Variants in MMEL1 observed in about 807,000 individuals in gnomAD.
MMEL1 encodes the protein membrane metalloendopeptidase like 1.
In MMEL1, 98 loss-of-function variants were observed where a neutral mutation model predicts 117.1. The ratio of observed to expected loss-of-function variants is 0.84; its 90% CI spans 0.71 to 0.99. The LOEUF is 0.99. Among genes scored for constraint, MMEL1 ranks in the 50% least tolerant of loss-of-function variants. The probability of loss-of-function intolerance (pLI) is 0.00; values close to 1 mark genes in which losing one functional copy is unlikely to be tolerated. For missense variants in MMEL1, 1,014 were observed against 1,049.1 expected, an observed-to-expected ratio of 0.97 and a Z score of 0.46; for synonymous variants, 390 against 415.1, an observed-to-expected ratio of 0.94 and a Z score of 0.74.
chr1:2,610,645 C>T (rs1645110400), intron 4 of MMEL1, among the ~76,000 whole-genome samples: 1 of 152,186 alleles, frequency 6.6e-6, no homozygotes, highest in African/African-American at 2.4e-5. Context: ...TGGCTTTGCC[C>T]CAGGAACCCC....
At position 2,629,503 on chromosome 1, in the gene MMEL1, G is replaced by T; in HGVS notation, c.-19C>A. ...TCCCCATCAGCAGGGCTCTGGACGG[G>T]AGAGCACCGCGGAGGAACCTGCAGG... On this transcript the variant is annotated 5_prime_UTR_variant, in exon 2 of 24. Coordinates refer to ENST00000378412, the MANE Select transcript of MMEL1 (RefSeq NM_033467.4). 6.8e-7 allele frequency: 1 copy of T among 1,462,520 alleles called. No individual in the cohort carries two copies. Among genetic ancestry groups the T allele is most frequent in the Non-Finnish European group, 9.1e-7 (1 of 1,104,444 alleles). The allele number at this position is 1,462,520 out of a possible 1,614,324, so 90.6% of individuals were successfully genotyped here.
At chr1:2,598,955 A>G (rs1417491363) in intron 11 of MMEL1, among the ~76,000 whole-genome samples, 165 bp from the exon 12 acceptor site, 1 of 152,240 alleles carries the variant, frequency 6.6e-6, no homozygotes, top group Non-Finnish European at 1.5e-5. Context: ...CAGAGCCTAC[A>G]GCTGTAAAAA....
In MMEL1 at chr1:2,623,875, A is replaced by G. The variant is rs547180145; in HGVS notation, c.154+5456T>C. Among the ~76,000 whole-genome samples, 6 of 152,316 alleles carry G rather than the reference A, an allele frequency of 3.9e-5. No individual in the cohort carries two copies. In the East Asian group the frequency reaches 1.2e-3, roughly 29 times the overall value. ...GGTGTAACCCCTCTCACGCCCAGGA[A>G]CCAGGCAAATCCCCTGTTCTGTAGG... On this transcript the variant is annotated intron_variant, in intron 2 of 23. Coordinates refer to ENST00000378412, the MANE Select transcript of MMEL1 (RefSeq NM_033467.4).
chr1:2,621,501 C>A (rs1196190979), intron 2 of MMEL1, among the ~76,000 whole-genome samples: 1 of 152,086 alleles, frequency 6.6e-6, no homozygotes, highest in Non-Finnish European at 1.5e-5. Flanking sequence ...ATCAGAAAAC[C>A]TTTGAATCTA....
chr1:2,595,399 G>GA lies in MMEL1; in HGVS notation c.1501-41_1501-40insT. On this transcript the variant is annotated intron_variant, in intron 15 of 23. Coordinates refer to ENST00000378412, the MANE Select transcript of MMEL1 (RefSeq NM_033467.4). The surrounding 1 kb of genome is among the most constrained non-coding windows in gnomAD (Gnocchi z 4.8). ...GGGACTGGTCAGTGGGTGCCCCACT[G>GA]CGGATGGAGTCAGCCCGGGGGCCGG... 1 of 1,583,436 alleles carries GA rather than the reference G, an allele frequency of 6.3e-7. No individual in the cohort carries two copies. Among genetic ancestry groups the GA allele is most frequent in the South Asian group, 1.1e-5 (1 of 90,456 alleles).
At chr1:2,619,652 T>A in intron 2 of MMEL1, among the ~76,000 whole-genome samples, 1 of 35,336 alleles carries the variant, frequency 2.8e-5, no homozygotes, top group Non-Finnish European at 4.9e-5. Context: ...AGTGAGACTC[T>A]ATCAAAAAAA....
At chr1:2,618,205 T>C (rs1055786158) in intron 2 of MMEL1, among the ~76,000 whole-genome samples, 7 of 152,294 alleles carry the variant, frequency 4.6e-5, no homozygotes, top group African/African-American at 1.7e-4. Flanking sequence ...TGATTCTTCA[T>C]GAATGGCTTG....
chr1:2,611,220 G>A, intron 4 of MMEL1, 61 bp downstream of exon 4: 2 of 1,492,962 alleles, frequency 1.3e-6, no homozygotes, highest in East Asian at 2.5e-5. Flanking sequence ...GCCTACGTCA[G>A]TGTCAGCCGG....
chr1:2,595,344 C>T lies in MMEL1; in HGVS notation c.1516G>A (p.Glu506Lys). 6.2e-7 allele frequency: 1 copy of T among 1,613,906 alleles called. No individual in the cohort carries two copies. Among genetic ancestry groups the T allele is most frequent in the Non-Finnish European group, 8.5e-7 (1 of 1,179,986 alleles). The change falls in exon 16 of 24, where the codon GAG becomes AAG. Residue 506 changes from glutamate to lysine, a missense_variant. Transcript: ENST00000378412. The surrounding 1 kb of genome is among the most constrained non-coding windows in gnomAD (Gnocchi z 4.8). ...ATGTAGTCAGGGTGCCCGATCTGCT[C>T]CCGGATGCTCATGGCCTGAGTGGGG... ...KAQEKAMSIR[E>K]QIGHPDYILE...
Position 2,607,197 on chromosome 1 carries a change from G to A in MMEL1, c.536-128C>T, listed in dbSNP as rs941854698. 141 of 732,432 alleles carry A rather than the reference G, an allele frequency of 1.9e-4. 1 individual carries two copies. The South Asian group carries it at 2.2e-3, about 11-fold the overall frequency. 45.4% of individuals were successfully genotyped at this position (732,432 alleles called of 1,614,324 possible). A position where few individuals can be genotyped will look rare whatever the true frequency, so the allele number is the denominator to read the frequency against. On this transcript the variant is annotated intron_variant, in intron 6 of 23. Coordinates refer to ENST00000378412, the MANE Select transcript of MMEL1 (RefSeq NM_033467.4). ...GCCCCTGCAGTGCTCCGCGAGAGGC[G>A]GCCTCCCAGCCTCTGGGCCTTTACA...
At chr1:2,611,377 G>T (rs747991756) in intron 3 of MMEL1, 37 bp from the exon 4 acceptor site, 37 of 1,469,878 alleles carry the variant, frequency 2.5e-5, no homozygotes, top group East Asian at 2.7e-5. Flanking sequence ...CGGGAGCCAC[G>T]GAGAGGGTGG....
chr1:2,595,241 TG>T lies in MMEL1; in HGVS notation c.1584+34del. 1 of 1,579,320 alleles carries T rather than the reference TG, an allele frequency of 6.3e-7. No homozygotes were observed. Among genetic ancestry groups the T allele is most frequent in the Non-Finnish European group, 8.7e-7 (1 of 1,150,388 alleles). On this transcript the variant is annotated intron_variant, in intron 16 of 23. Transcript: ENST00000378412. This position sits in a 1 kb window ranked among gnomAD's most constrained non-coding sequence, Gnocchi z 4.8. Reference sequence around the variant, plus strand: ...GCAATCAGGGCCCATGTCCACGGTGTGGGGGGCAGTTTAGGGCTGGGGTTGG... The same window carrying T: ...GCAATCAGGGCCCATGTCCACGGTGTGGGGGCAGTTTAGGGCTGGGGTTGG...
intron 19 of MMEL1, among the ~76,000 whole-genome samples, chr1:2,593,536 G>T (rs919614176): frequency 6.6e-6 from 1 of 152,234 alleles, no homozygotes; most frequent in African/African-American, 2.4e-5. Context: ...TCGTCCCCAT[G>T]TCACAGGCCG....
Position 2,592,629 on chromosome 1 carries a change from ACGCCCCCTCCCCT to A in MMEL1, c.2067+13_2067+25del. ...TGACGCCCCCTCCCCTGCCGCGCTG[ACGCCCCCTCCCCT>A]GCCAGGCCCCACCTTATAGGCTTGC... On this transcript the variant is annotated intron_variant, in intron 21 of 23. Coordinates refer to ENST00000378412, the MANE Select transcript of MMEL1 (RefSeq NM_033467.4). 1.8e-6 allele frequency: 1 copy of A among 553,050 alleles called. No individual in the cohort carries two copies. The highest frequency in any genetic ancestry group is 2.4e-6 in the Non-Finnish European group (1 of 417,880). The allele number at this position is 553,050 out of a possible 1,614,324, so 34.3% of individuals were successfully genotyped here. A position where few individuals can be genotyped will look rare whatever the true frequency, so the allele number is the denominator to read the frequency against.
chr1:2,601,444 TA>T (rs986703840), intron 11 of MMEL1, among the ~76,000 whole-genome samples: 9 of 152,092 alleles, frequency 5.9e-5, no homozygotes, highest in Non-Finnish European at 8.8e-5. Flanking sequence ...CACTGTCCAT[TA>T]AAAAAATCAA....
rs753741050 is a variant in MMEL1, at chr1:2,593,940, C to A, written c.1748-7G>T. 6.3e-7 allele frequency: 1 copy of A among 1,595,382 alleles called. No homozygotes were observed. Among genetic ancestry groups the A allele is most frequent in the South Asian group, 1.1e-5 (1 of 89,032 alleles). On this transcript the variant is annotated splice_polypyrimidine_tract_variant and splice_region_variant and intron_variant, in intron 18 of 23. Coordinates refer to ENST00000378412, the MANE Select transcript of MMEL1 (RefSeq NM_033467.4). Reference sequence around the variant, plus strand: ...AGGATCCCGGCAGGGAATACTGTCCCCAAGGGCGGGACAAAGAATAAGCTG... The same window carrying A: ...AGGATCCCGGCAGGGAATACTGTCCACAAGGGCGGGACAAAGAATAAGCTG...
rs777379722 is a variant in MMEL1 at position 2,612,190 on chromosome 1, G to T, written c.169C>A (p.Arg57Ser). 1 of 1,573,142 alleles carries T rather than the reference G, an allele frequency of 6.4e-7. No individual in the cohort carries two copies. Among genetic ancestry groups the T allele is most frequent in the Admixed American group, 1.8e-5 (1 of 54,484 alleles). Reference protein sequence around the residue: ...YADRRGKQLPRLASRLCFLQE... With the variant: ...YADRRGKQLPSLASRLCFLQE... ...AAGAAGCACAGCCGGCTAGCAAGGCGTGGCAGCTGCTTCCCTGGGGAGAAA... is the reference window on the plus strand; with the variant it reads ...AAGAAGCACAGCCGGCTAGCAAGGCTTGGCAGCTGCTTCCCTGGGGAGAAA... Residue 57 changes from arginine to serine, a missense_variant, in exon 3 of 24, where the codon CGC becomes AGC. Arg to Ser is a moderately radical substitution (Grantham distance 110, BLOSUM62 -1). Coordinates refer to ENST00000378412, the MANE Select transcript of MMEL1 (RefSeq NM_033467.4). The surrounding 1 kb of genome is among the most constrained non-coding windows in gnomAD (Gnocchi z 5.4).
chr1:2,594,820 C>T lies in MMEL1; in HGVS notation c.1658G>A (p.Arg553Lys). 1 of 1,613,986 alleles carries T rather than the reference C, an allele frequency of 6.2e-7. No individual in the cohort carries two copies. Among genetic ancestry groups the T allele is most frequent in the Non-Finnish European group, 8.5e-7 (1 of 1,180,006 alleles). The change falls in exon 17 of 24, where the codon AGG becomes AAG. Residue 553 changes from arginine (R) to lysine (K), a missense_variant. By Grantham distance (26) the Arg-to-Lys change is conservative. Transcript: ENST00000378412. The part of the protein sequence containing the change: ...NLKVGAQRSL[R>K]KLREKVDPNL... ...TGGGTCCACCTTTTCCCGAAGCTTC[C>T]TGAGGCTCCGCTGGGCGCCCACCTT...
chr1:2,631,096 T>C (rs1433682174), intron 1 of MMEL1, among the ~76,000 whole-genome samples: 1 of 152,216 alleles, frequency 6.6e-6, no homozygotes, highest in African/African-American at 2.4e-5. Context: ...TGTGTGTGTG[T>C]GCACATATGT....
Sources: gnomAD v4.1 joint callset for allele counts (sites outside exome capture counted in the v4.1 genomes callset) on GRCh38, gnomAD v4.1.1 for gene constraint, Gnocchi (gnomAD v3.1) non-coding constraint, MANE v1.5 for transcripts, NCBI Gene and HGNC (gene_info 2026-07-23, HGNC 2026-07-21) for gene names.